Variants in SOX5 observed in about 807,000 individuals in gnomAD.
SOX5 encodes the protein SRY-box transcription factor 5.
A neutral mutation model predicts 92.0 loss-of-function variants in SOX5; 9 were observed. The ratio of observed to expected loss-of-function variants is 0.10; its 90% confidence interval spans 0.06 to 0.17. The LOEUF (loss-of-function observed/expected upper bound fraction) is 0.17, where lower values mean the gene tolerates loss of function less well. Among genes scored for constraint, SOX5 ranks in the 10% least tolerant of loss-of-function variants. The probability of loss-of-function intolerance (pLI) is 1.00; values close to 1 mark genes in which losing one functional copy is unlikely to be tolerated. For missense variants in SOX5, 642 were observed against 944.5 expected (o/e 0.68, Z 4.20); for synonymous variants, 344 against 336.3 (o/e 1.02, Z -0.25).
At chr12:23,984,452 T>C (rs571452170) in intron 4 of SOX5, among the ~76,000 whole-genome samples, 114 of 152,214 alleles carry the variant, frequency 7.5e-4, no homozygotes, top group South Asian at 2.1e-3. Flanking sequence ...GTAGAAGCAT[T>C]GGTTGGTTGA....
intron 4 of SOX5, among the ~76,000 whole-genome samples, chr12:24,169,678 G>T (rs1051319396): frequency 7.9e-5 from 12 of 152,200 alleles, no homozygotes; most frequent in Non-Finnish European, 1.8e-4. Context: ...TATTAAAAGT[G>T]TAGTGGCTCT....
chr12:23,614,503 T>C (rs948702572), intron 8 of SOX5, among the ~76,000 whole-genome samples: 1 of 152,246 alleles, frequency 6.6e-6, no homozygotes, highest in Non-Finnish European at 1.5e-5. Flanking sequence ...TAGCCTGTTA[T>C]TGTACTGTTG....
intron 1 of SOX5, chr12:24,460,612 C>T (rs1269547159): frequency 6.6e-6 from 1 of 152,130 alleles, no homozygotes; most frequent in Non-Finnish European, 1.5e-5. Flanking sequence ...TAGAAATCTC[C>T]CAGGTCCCTG....
chr12:23,842,273 G>A (rs1373923367), intron 3 of SOX5, among the ~76,000 whole-genome samples: 1 of 152,018 alleles, frequency 6.6e-6, no homozygotes, highest in Non-Finnish European at 1.5e-5. Context: ...TGGTTAGTAG[G>A]AGCCATATTT....
At position 23,862,178 on chromosome 12, in the gene SOX5, C is replaced by T. The variant is rs559604419; in HGVS notation, c.271-15985G>A. Among the ~76,000 whole-genome samples, 11 of 152,232 alleles carry T rather than the reference C, an allele frequency of 7.2e-5. No homozygotes were observed. In the South Asian group the frequency reaches 2.3e-3, roughly 32 times the overall value. The stretch of plus-strand genomic sequence containing the variant: ...TTATCTAGAGAAGCAAAGGGAATCA[C>T]ATGCAAATGACATAATATGAAGAGG... On this transcript the variant is annotated intron_variant, in intron 2 of 14. Transcript: ENST00000451604.
chr12:24,375,312 C>T (rs1201337476), intron 1 of SOX5, among the ~76,000 whole-genome samples: 1 of 152,092 alleles, frequency 6.6e-6, no homozygotes, highest in African/African-American at 2.4e-5. Flanking sequence ...TAGGCCCCTC[C>T]TTCACTCCAT....
rs957886737 is a variant in SOX5 at position 24,086,039 on chromosome 12, C to T, written c.-2+127304G>A. 3.3e-5 allele frequency among the ~76,000 whole-genome samples: 5 copies of T among 151,682 alleles called. No individual in the cohort carries two copies. In the East Asian group the frequency reaches 9.7e-4, roughly 29 times the overall value. On this transcript the variant is annotated intron_variant, in intron 4 of 4. Transcript: ENST00000446891. ...TACTTAAAGTATTTCTCAGCTCAGA[C>T]TACTTTTGCCAAATCAGAAGTTTTC...
At chr12:23,621,942 T>G (rs2077230745) in intron 8 of SOX5, among the ~76,000 whole-genome samples, 2 of 152,128 alleles carry the variant, frequency 1.3e-5, no homozygotes, top group African/African-American at 2.4e-5. Flanking sequence ...TCAATCCTGT[T>G]TCAACTGTCA....
At chr12:24,543,050 CAT>C (rs1313415583) in intron 1 of SOX5, among the ~76,000 whole-genome samples, 1 of 152,208 alleles carries the variant, frequency 6.6e-6, no homozygotes, top group Non-Finnish European at 1.5e-5. Context: ...ATAAAGCACA[CAT>C]GTTAAATATA....
intron 2 of SOX5, among the ~76,000 whole-genome samples, chr12:24,318,606 C>T (rs1949929232): frequency 6.6e-6 from 1 of 152,152 alleles, no homozygotes; most frequent in Admixed American, 6.6e-5. Flanking sequence ...ATTATGCTGA[C>T]CATCTGCCTT....
intron 2 of SOX5, among the ~76,000 whole-genome samples, chr12:24,305,272 G>A (rs184987098): frequency 0.01 from 1,595 of 152,316 alleles, 22 homozygotes; most frequent in Admixed American, 0.017. Flanking sequence ...TCTCTCCAGG[G>A]ATTGCTAAAA....
In SOX5 at chr12:24,326,791, T is replaced by TACACACACACACACACACACACAC. The variant is rs10527019; in HGVS notation, c.-174+41771_-174+41772insGTGTGTGTGTGTGTGTGTGTGTGT. Among the ~76,000 whole-genome samples, 1,248 of 148,802 alleles carry TACACACACACACACACACACACAC rather than the reference T, an allele frequency of 8.4e-3. 22 individuals carry two copies. The highest frequency in any genetic ancestry group is 0.042 in the Admixed American group (629 of 14,848). Reference sequence around the variant, plus strand: ...CCACCCACCCATTCATACACACACATACACACACACACACACACAGGTCTA... The same window carrying TACACACACACACACACACACACAC: ...CCACCCACCCATTCATACACACACATACACACACACACACACACACACACACACACACACACACACACAGGTCTA... On this transcript the variant is annotated intron_variant, in intron 2 of 4. Transcript: ENST00000446891.
chr12:24,200,832 T>C (rs1957446146), intron 4 of SOX5, among the ~76,000 whole-genome samples: 1 of 152,198 alleles, frequency 6.6e-6, no homozygotes. Flanking sequence ...ACTTCCTAAT[T>C]CCACCTAGAG....
At chr12:24,323,267 C>A (rs1817151036) in intron 2 of SOX5, among the ~76,000 whole-genome samples, 1 of 150,558 alleles carries the variant, frequency 6.6e-6, no homozygotes, top group African/African-American at 2.4e-5. Flanking sequence ...GTTGATAGAA[C>A]AAAATAAACA....
At chr12:23,812,697 T>C (rs1026645865) in intron 3 of SOX5, among the ~76,000 whole-genome samples, 1 of 152,176 alleles carries the variant, frequency 6.6e-6, no homozygotes. Flanking sequence ...GAGGGAATAC[T>C]GACTTAACCA....
intron 3 of SOX5, among the ~76,000 whole-genome samples, chr12:24,260,114 T>A (rs1265862773): frequency 6.6e-6 from 1 of 150,820 alleles, no homozygotes; most frequent in East Asian, 2.0e-4. Flanking sequence ...ATGAGAGGAG[T>A]GGGTGGGGAT....
intron 3 of SOX5, among the ~76,000 whole-genome samples, chr12:24,244,008 C>T (rs1027518135): frequency 6.9e-6 from 1 of 145,948 alleles, no homozygotes; most frequent in Non-Finnish European, 1.5e-5. Flanking sequence ...AACCACTGAT[C>T]ACGTTAGGAA....
At chr12:24,032,691 T>A (rs2136881484) in intron 4 of SOX5, among the ~76,000 whole-genome samples, 1 of 151,992 alleles carries the variant, frequency 6.6e-6, no homozygotes, top group Non-Finnish European at 1.5e-5. Context: ...GTAAAACTAC[T>A]AAACTCGGTG....
intron 1 of SOX5, among the ~76,000 whole-genome samples, chr12:23,906,940 C>G (rs1397585869): frequency 7.3e-6 from 1 of 137,160 alleles, no homozygotes; most frequent in Non-Finnish European, 1.5e-5. Context: ...GAATAGACAG[C>G]CAAAAAAAAA....
Sources: allele counts gnomAD v4.1 joint callset (sites outside exome capture counted in the v4.1 genomes callset), GRCh38; gene constraint gnomAD v4.1.1; transcripts MANE v1.5; gene names NCBI Gene and HGNC (gene_info 2026-07-23, HGNC 2026-07-21).